Variants in PLSCR2 observed in about 807,000 individuals in gnomAD.
PLSCR2 encodes PL scramblase 2.
Under a neutral mutation model 25.3 loss-of-function variants are expected in PLSCR2, and 18 were observed. The ratio of observed to expected loss-of-function variants is 0.71; its 90% confidence interval spans 0.49 to 1.06. The LOEUF (loss-of-function observed/expected upper bound fraction) is 1.06. Ranked by LOEUF, PLSCR2 falls within the 50% of genes least tolerant of loss-of-function variation. The pLI, the probability that PLSCR2 is intolerant of heterozygous loss-of-function variation, is 0.00. For synonymous variants in PLSCR2, 88 were observed against 87.3 expected, an observed-to-expected ratio of 1.01 and a Z score of -0.04; for missense variants, 243 against 269.5, an observed-to-expected ratio of 0.90 and a Z score of 0.69.
At chr3:146,494,485 CT>C (rs1203775989) in intron 1 of PLSCR2, 5 of 152,016 alleles carry the variant, frequency 3.3e-5, no homozygotes, top group African/African-American at 9.7e-5. Flanking sequence ...ATAAGTATAA[CT>C]ATATTGATTT....
At chr3:146,433,440 T>C (rs2039627105) in exon 9 of PLSCR2, 1 of 152,186 alleles carries the variant, frequency 6.6e-6, no homozygotes, top group South Asian at 2.1e-4. Context: ...TCCTTACATC[T>C]TCCTTGCACA....
chr3:146,478,695 C>T (rs997661963), intron 1 of PLSCR2, among the ~76,000 whole-genome samples: 9 of 152,100 alleles, frequency 5.9e-5, no homozygotes, highest in African/African-American at 2.2e-4. Flanking sequence ...GGAGAACTTC[C>T]CCAACCTAGC....
chr3:146,483,479 G>GTATATATATATATATATATATATA (rs56655616), intron 1 of PLSCR2, among the ~76,000 whole-genome samples: 1 of 54,824 alleles, frequency 1.8e-5, no homozygotes, highest in African/African-American at 8.4e-5. Flanking sequence ...ATATACATGT[G>GTATATATATATATATATATATATA]TATATATATA....
chr3:146,460,039 T>G, exon 2 of PLSCR2: 1 of 1,590,044 alleles, frequency 6.3e-7, no homozygotes, highest in Non-Finnish European at 8.6e-7. Context: ...TGTTTCCCAG[T>G]GTGTCCAGCC....
At chr3:146,449,220 C>A (rs752952517) in exon 6 of PLSCR2, 3 of 1,611,784 alleles carry the variant, frequency 1.9e-6, no homozygotes, top group Non-Finnish European at 2.5e-6. Flanking sequence ...AGGAAACAGG[C>A]ACCAATCATC....
chr3:146,445,657 A>G (rs57014998), intron 6 of PLSCR2, among the ~76,000 whole-genome samples: 1 of 152,070 alleles, frequency 6.6e-6, no homozygotes. Context: ...GAGTTCTATA[A>G]CCTTCTTGTA....
intron 4 of PLSCR2, among the ~76,000 whole-genome samples, chr3:146,454,837 G>C (rs1469791422): frequency 6.6e-6 from 1 of 152,082 alleles, no homozygotes; most frequent in East Asian, 1.9e-4. Context: ...ATTATGAGAT[G>C]AATACATCTG....
In PLSCR2 at chr3:146,482,877, G is replaced by A. The variant is rs148515423; in HGVS notation, c.-293+13018C>T. ...TAAGAAAATGTGGCATATACACACC[G>A]TGGAATACTATGCAGCCATAAAAAA... is the stretch of plus-strand genomic sequence containing the variant. On this transcript the variant is annotated intron_variant, in intron 1 of 8. Coordinates refer to the PLSCR2 transcript ENST00000336685. Among the ~76,000 whole-genome samples, 1,116 of 152,164 alleles carry A rather than the reference G, an allele frequency of 7.3e-3. 13 individuals carry two copies. The East Asian group carries it at 0.075, about 10-fold the overall frequency.
At chr3:146,447,663 G>T (rs887219606) in intron 6 of PLSCR2, among the ~76,000 whole-genome samples, 1 of 152,156 alleles carries the variant, frequency 6.6e-6, no homozygotes, top group Non-Finnish European at 1.5e-5. Flanking sequence ...TGGGGAAGGG[G>T]TGATGCAAGC....
chr3:146,415,316 A>G (rs1308245959), intron 2 of PLSCR2: 1 of 152,346 alleles, frequency 6.6e-6, no homozygotes, highest in Non-Finnish European at 1.5e-5. Context: ...CTTGTCTTGT[A>G]TATCATAGTA....
intron 2 of PLSCR2, among the ~76,000 whole-genome samples, chr3:146,404,480 C>T (rs2038582658): frequency 6.6e-6 from 1 of 152,210 alleles, no homozygotes. Context: ...TCCCACATCA[C>T]AACACTATTG....
intron 1 of PLSCR2, among the ~76,000 whole-genome samples, chr3:146,477,238 C>A (rs988617409): frequency 2.6e-5 from 4 of 152,168 alleles, no homozygotes; most frequent in Admixed American, 6.5e-5. Context: ...ACTGGTTGGA[C>A]AATGGGTGCA....
chr3:146,454,667 T>C (rs1024766599), intron 4 of PLSCR2, among the ~76,000 whole-genome samples: 11 of 152,312 alleles, frequency 7.2e-5, no homozygotes, highest in Admixed American at 5.9e-4. Flanking sequence ...TAGGCTGCCA[T>C]GCAATATGAA....
At chr3:146,425,747 C>T (rs1225768132) in intron 2 of PLSCR2, among the ~76,000 whole-genome samples, 2 of 152,080 alleles carry the variant, frequency 1.3e-5, no homozygotes, top group Non-Finnish European at 2.9e-5. Context: ...AATAATACAT[C>T]ATCATGAGCA....
chr3:146,484,467 C>T (rs1474327056), intron 1 of PLSCR2, among the ~76,000 whole-genome samples: 1 of 151,888 alleles, frequency 6.6e-6, no homozygotes, highest in East Asian at 1.9e-4. Context: ...ATGAAAAGAT[C>T]AACTCCAAGA....
At chr3:146,433,044 T>C (rs1007423347), downstream of PLSCR2, among the ~76,000 whole-genome samples, 2 of 152,200 alleles carry the variant, frequency 1.3e-5, no homozygotes, top group African/African-American at 4.8e-5. Flanking sequence ...AACTTTTTTC[T>C]TTATATTCAG....
intron 5 of PLSCR2, among the ~76,000 whole-genome samples, chr3:146,452,152 T>C (rs1451576381): frequency 2.0e-5 from 3 of 152,124 alleles, no homozygotes; most frequent in Admixed American, 2.0e-4. Context: ...CTGCATTATC[T>C]ACAGGTGAGT....
rs2041478001 is a variant in PLSCR2, at chr3:146,460,087, A to C, written c.-179-4T>G. ...TAGACAATATGTCCGGGAGGTCCTG[A>C]AATAGGAGCAAGTAAAATAATTTGT... On this transcript the variant is annotated splice_polypyrimidine_tract_variant and splice_region_variant and intron_variant, in intron 1 of 6. Transcript: ENST00000610787. 1 of 1,502,296 alleles carries C rather than the reference A, an allele frequency of 6.7e-7. No homozygotes were observed. Among genetic ancestry groups the C allele is most frequent in the East Asian group, 2.5e-5 (1 of 40,150 alleles). 93.1% of individuals were successfully genotyped at this position (1,502,296 alleles called of 1,614,324 possible). A position where few individuals can be genotyped will look rare whatever the true frequency, so the allele number is the denominator to read the frequency against.
At chr3:146,485,109 GA>G (rs970631089) in intron 1 of PLSCR2, among the ~76,000 whole-genome samples, 79 of 131,654 alleles carry the variant, frequency 6.0e-4, no homozygotes, top group African/African-American at 2.2e-3. Flanking sequence ...CAAGCAACTG[GA>G]AAGAAAAAAA....
Sources: gnomAD v4.1 joint callset for allele counts (sites outside exome capture counted in the v4.1 genomes callset) on GRCh38, gnomAD v4.1.1 for gene constraint, MANE v1.5 for transcripts, NCBI Gene and HGNC (gene_info 2026-07-23, HGNC 2026-07-21) for gene names.